Variants in CPM observed in about 807,000 individuals in gnomAD.
CPM encodes carboxypeptidase M, also known as renal carboxypeptidase.
Under a neutral mutation model 46.4 loss-of-function variants are expected in CPM, and 35 were observed. The ratio of observed to expected loss-of-function variants is 0.75; its 90% CI spans 0.58 to 1.00. The LOEUF (loss-of-function observed/expected upper bound fraction) is 1.00. Ranked by LOEUF, CPM falls within the 50% of genes least tolerant of loss-of-function variation. CPM has a pLI of 0.00. For missense variants in CPM, 422 were observed against 530.4 expected, an observed-to-expected ratio of 0.80 and a Z score of 2.01; for synonymous variants, 195 against 195.3, an observed-to-expected ratio of 1.00 and a Z score of 0.01.
At chr12:68,920,074 C>T (rs891937471) in intron 2 of CPM, among the ~76,000 whole-genome samples, 1 of 152,094 alleles carries the variant, frequency 6.6e-6, no homozygotes, top group African/African-American at 2.4e-5. Flanking sequence ...ACCTCCCACC[C>T]CCTCTTTCTC....
In CPM at chr12:68,900,945, A is replaced by G. The variant is rs540326298; in HGVS notation, c.161-15056T>C. Among the ~76,000 whole-genome samples the G allele has an allele frequency of 2.6e-5, 4 of 152,318 alleles. No homozygotes were observed. In the South Asian group the frequency reaches 8.3e-4, roughly 32 times the overall value. On this transcript the variant is annotated intron_variant, in intron 2 of 8. Coordinates refer to ENST00000551568, the MANE Select transcript of CPM (RefSeq NM_198320.5). ...CTCCTCTGTATGATACTACAATGTC[A>G]TTATACATTTGTCCAAACCCCTACT... is the stretch of plus-strand genomic sequence containing the variant.
At chr12:68,885,927 G>A in intron 2 of CPM, 38 bp from the exon 3 acceptor site, 1 of 1,564,754 alleles carries the variant, frequency 6.4e-7, no homozygotes, top group Non-Finnish European at 8.8e-7. Flanking sequence ...AAAGTAAGTT[G>A]TCTCTTAAAA....
chr12:68,951,964 G>C (rs1438720160), intron 1 of CPM, among the ~76,000 whole-genome samples: 5 of 152,172 alleles, frequency 3.3e-5, no homozygotes, highest in Non-Finnish European at 7.3e-5. Flanking sequence ...TGAGGGGAGG[G>C]AGGAAGCTGC....
At position 68,946,224 on chromosome 12, in the gene CPM, G is replaced by A. The variant is rs570131453; in HGVS notation, c.-3-13384C>T. On this transcript the variant is annotated intron_variant, in intron 1 of 8. Transcript: ENST00000546373. The stretch of plus-strand genomic sequence containing the variant: ...TTGAAACATAATTTTTCCCTCTCCA[G>A]TTTTCCCCCATTTTTACCAAAGACA... Among the ~76,000 whole-genome samples the A allele has an allele frequency of 1.9e-3, 286 of 152,042 alleles. 2 individuals are homozygous for A. The highest frequency in any genetic ancestry group is 6.4e-3 in the African/African-American group (266 of 41,476).
chr12:68,900,685 G>A (rs1455766813), intron 2 of CPM, among the ~76,000 whole-genome samples: 4 of 152,142 alleles, frequency 2.6e-5, no homozygotes, highest in Admixed American at 1.3e-4. Flanking sequence ...AATGGAATAC[G>A]AGTCAGTGTT....
rs536833256 is a variant in CPM at position 68,905,069 on chromosome 12, T to C, written c.161-19180A>G. Among the ~76,000 whole-genome samples, 5 of 151,892 alleles carry C rather than the reference T, an allele frequency of 3.3e-5. No homozygotes were observed. The East Asian group carries it at 7.8e-4, about 24-fold the overall frequency. ...AATTACATGCATGCACCACCACGCC[T>C]GGCTAATGTTTGCATTTTTAGTAGA... is the stretch of plus-strand genomic sequence containing the variant. On this transcript the variant is annotated intron_variant, in intron 2 of 8. Transcript: ENST00000551568.
downstream of CPM, chr12:68,849,470 C>G (rs1220012862): frequency 6.6e-6 from 1 of 151,150 alleles, no homozygotes; most frequent in Non-Finnish European, 1.5e-5. Context: ...AGTGCAGTGG[C>G]ACTATCTCAG....
At chr12:68,897,271 GT>G (rs375358533) in intron 2 of CPM, among the ~76,000 whole-genome samples, 404 of 136,626 alleles carry the variant, frequency 3.0e-3, no homozygotes, top group Non-Finnish European at 4.2e-3. Flanking sequence ...TCCCCTTTAG[GT>G]TTTTTTTTTT....
downstream of CPM, chr12:68,847,520 C>T (rs1488327425): frequency 7.2e-5 from 9 of 125,766 alleles, no homozygotes; most frequent in Admixed American, 8.4e-4. Context: ...GTGGCGCAAT[C>T]TCGGCTCACT....
At chr12:68,883,515 G>A (rs1218028020) in intron 3 of CPM, among the ~76,000 whole-genome samples, 3 of 152,110 alleles carry the variant, frequency 2.0e-5, no homozygotes, top group African/African-American at 7.2e-5. Flanking sequence ...AAAATACACT[G>A]GGACTTTTCC....
chr12:68,885,642 C>T (rs761832038), intron 3 of CPM, 150 bp downstream of exon 3: 3 of 628,478 alleles, frequency 4.8e-6, no homozygotes, highest in Middle Eastern at 2.6e-4. Flanking sequence ...TCCCACAGGC[C>T]TCACAGGAAG....
intron 1 of CPM, among the ~76,000 whole-genome samples, chr12:68,946,784 G>A (rs975327965): frequency 6.6e-6 from 1 of 152,108 alleles, no homozygotes; most frequent in Non-Finnish European, 1.5e-5. Flanking sequence ...TTAAGTATAC[G>A]TAGACATAGT....
At chr12:68,952,137 C>T (rs951460620) in intron 1 of CPM, among the ~76,000 whole-genome samples, 1 of 152,180 alleles carries the variant, frequency 6.6e-6, no homozygotes, top group African/African-American at 2.4e-5. Context: ...ATCAATGCTA[C>T]TTAAAGATTG....
chr12:68,951,349 AG>A (rs1401838930), intron 1 of CPM, among the ~76,000 whole-genome samples: 1 of 152,226 alleles, frequency 6.6e-6, no homozygotes, highest in Non-Finnish European at 1.5e-5. Flanking sequence ...GATCATGCTT[AG>A]GGTTTAGCTG....
chr12:68,954,338 G>A (rs7309350), intron 1 of CPM, among the ~76,000 whole-genome samples: 25,147 of 152,062 alleles, frequency 0.17, 2,184 homozygotes, highest in Middle Eastern at 0.19. Flanking sequence ...GCCCTATAAA[G>A]GTTGCCAAAG....
chr12:68,870,515 T>C, intron 4 of CPM, 116 bp from the exon 5 acceptor site: 1 of 865,706 alleles, frequency 1.2e-6, no homozygotes, highest in Non-Finnish European at 1.8e-6. Flanking sequence ...AGTATGGGTG[T>C]GGTGGATGGC....
At chr12:68,923,387 C>T (rs1565799564) in intron 2 of CPM, among the ~76,000 whole-genome samples, 1 of 151,924 alleles carries the variant, frequency 6.6e-6, no homozygotes, top group Admixed American at 6.6e-5. Context: ...ACAGTGTTAC[C>T]GTCAGATACA....
intron 1 of CPM, among the ~76,000 whole-genome samples, chr12:68,941,832 C>A (rs1036300564): frequency 6.6e-6 from 1 of 152,116 alleles, no homozygotes; most frequent in East Asian, 1.9e-4. Flanking sequence ...CAGATCAGTA[C>A]CCCCAGCAAA....
chr12:68,895,757 A>G (rs1592671276), intron 2 of CPM, among the ~76,000 whole-genome samples: 1 of 152,210 alleles, frequency 6.6e-6, no homozygotes, highest in East Asian at 1.9e-4. Flanking sequence ...AGGCAGGTGG[A>G]TCATTTGAGG....
Sources: gnomAD v4.1 joint callset for allele counts (sites outside exome capture counted in the v4.1 genomes callset) on GRCh38, gnomAD v4.1.1 for gene constraint, MANE v1.5 for transcripts, NCBI Gene and HGNC (gene_info 2026-07-23, HGNC 2026-07-21) for gene names.